CSMD1: variants seen among roughly 807,000 people sequenced by gnomAD.
The protein encoded by CSMD1 is CUB and sushi domain-containing protein 1.
Under a neutral mutation model 417.5 loss-of-function variants are expected in CSMD1, and 213 were observed. The ratio of observed to expected loss-of-function variants is 0.51; its 90% CI spans 0.46 to 0.57. CSMD1 has a LOEUF of 0.57. Ranked by LOEUF, CSMD1 falls within the 20% of genes least tolerant of loss-of-function variation. The pLI, the probability that CSMD1 is intolerant of heterozygous loss-of-function variation, is 0.00. For missense variants in CSMD1, 6,923 were observed against 4,529.7 expected (o/e 1.53, Z -15.17); for synonymous variants, 2,862 against 1,736.8 (o/e 1.65, Z -16.11).
At chr8:4,871,680 A>G (rs1278075684) in intron 1 of CSMD1, among the ~76,000 whole-genome samples, 2 of 152,182 alleles carry the variant, frequency 1.3e-5, no homozygotes, top group African/African-American at 4.8e-5. Context: ...AAAATTAAAT[A>G]TTAATGAATC....
Position 4,287,089 on chromosome 8 carries a change from C to T in CSMD1, c.415+132864G>A, listed in dbSNP as rs1240447294. Among the ~76,000 whole-genome samples the T allele has an allele frequency of 6.6e-5, 10 of 152,196 alleles. No individual in the cohort carries two copies. In the East Asian group the frequency reaches 1.9e-3, roughly 29 times the overall value. On this transcript the variant is annotated intron_variant, in intron 3 of 69. Coordinates refer to ENST00000635120, the MANE Select transcript of CSMD1 (RefSeq NM_033225.6). The stretch of plus-strand genomic sequence containing the variant: ...AACTTGAGAGAACAAAAAAGAGTTT[C>T]AATCTACTTCACACAAAACAAACAA...
At chr8:3,962,808 A>G (rs905723191) in intron 5 of CSMD1, among the ~76,000 whole-genome samples, 4 of 152,298 alleles carry the variant, frequency 2.6e-5, no homozygotes, top group South Asian at 4.1e-4. Context: ...ATTGAGGGCA[A>G]TAAGTTTCTT....
At chr8:4,510,636 C>A (rs905421116) in intron 2 of CSMD1, among the ~76,000 whole-genome samples, 1 of 146,026 alleles carries the variant, frequency 6.8e-6, no homozygotes, top group Admixed American at 6.8e-5. Flanking sequence ...TCCCTCTCCC[C>A]TTCCTTCCCT....
intron 5 of CSMD1, among the ~76,000 whole-genome samples, chr8:3,762,520 CCT>C (rs1798063114): frequency 1.3e-5 from 2 of 152,180 alleles, no homozygotes; most frequent in South Asian, 4.1e-4. Context: ...ATGTTTATAT[CCT>C]CTGTGACTCA....
chr8:4,062,734 C>CAA (rs531872636), intron 3 of CSMD1, among the ~76,000 whole-genome samples: 2 of 131,574 alleles, frequency 1.5e-5, no homozygotes, highest in African/African-American at 2.8e-5. Flanking sequence ...TTATCAAATT[C>CAA]AAAAAAAAAA....
At chr8:4,689,794 A>T (rs1806647667) in intron 1 of CSMD1, among the ~76,000 whole-genome samples, 1 of 152,304 alleles carries the variant, frequency 6.6e-6, no homozygotes, top group African/African-American at 2.4e-5. Context: ...CTAACTCCAT[A>T]TGGAATTTAT....
intron 3 of CSMD1, among the ~76,000 whole-genome samples, chr8:4,178,224 A>T (rs1478631356): frequency 1.3e-5 from 2 of 152,248 alleles, no homozygotes; most frequent in Admixed American, 6.5e-5. Flanking sequence ...TCAAAAAGCT[A>T]ATCCACTATC....
chr8:3,303,673 T>C (rs764015729), intron 25 of CSMD1, among the ~76,000 whole-genome samples: 1 of 152,214 alleles, frequency 6.6e-6, no homozygotes, highest in Non-Finnish European at 1.5e-5. Context: ...ATGTAAAACA[T>C]AGCCTTTAAT....
At chr8:4,649,518 C>G (rs1035965392) in intron 1 of CSMD1, among the ~76,000 whole-genome samples, 1 of 152,200 alleles carries the variant, frequency 6.6e-6, no homozygotes, top group East Asian at 1.9e-4. Context: ...AGGACTTCTA[C>G]CCCTGTGCTC....
chr8:4,504,348 G>T (rs1802411595), intron 2 of CSMD1, among the ~76,000 whole-genome samples: 1 of 152,136 alleles, frequency 6.6e-6, no homozygotes. Context: ...TGCTATTTAA[G>T]GGGTACATGG....
chr8:3,902,327 A>G (rs938206391), intron 5 of CSMD1, among the ~76,000 whole-genome samples: 1 of 152,114 alleles, frequency 6.6e-6, no homozygotes, highest in Non-Finnish European at 1.5e-5. Context: ...CCCAGTAAGG[A>G]GTTTTTTGTT....
At chr8:4,294,189 C>T (rs1158218055) in intron 3 of CSMD1, among the ~76,000 whole-genome samples, 1 of 152,254 alleles carries the variant, frequency 6.6e-6, no homozygotes, top group East Asian at 1.9e-4. Context: ...GCAACTACAC[C>T]CCAATTTCAG....
At chr8:4,110,365 T>G (rs1252615863) in intron 3 of CSMD1, among the ~76,000 whole-genome samples, 1 of 152,160 alleles carries the variant, frequency 6.6e-6, no homozygotes, top group Non-Finnish European at 1.5e-5. Context: ...TATGTATGTT[T>G]TTAATCTAAG....
At chr8:4,559,406 A>G (rs1178007679) in intron 2 of CSMD1, among the ~76,000 whole-genome samples, 2 of 152,216 alleles carry the variant, frequency 1.3e-5, no homozygotes, top group Non-Finnish European at 2.9e-5. Flanking sequence ...CACCAAATAC[A>G]CTGAACCATG....
chr8:4,326,315 T>C (rs1799560854), intron 3 of CSMD1, among the ~76,000 whole-genome samples: 1 of 152,136 alleles, frequency 6.6e-6, no homozygotes, highest in African/African-American at 2.4e-5. Context: ...GATAAGTCCT[T>C]TGAAAATACA....
At chr8:4,485,646 T>C (rs1470087528) in intron 2 of CSMD1, among the ~76,000 whole-genome samples, 2 of 152,140 alleles carry the variant, frequency 1.3e-5, no homozygotes, top group Non-Finnish European at 2.9e-5. Flanking sequence ...TTGTATGCTA[T>C]CGCAGAGCCC....
intron 2 of CSMD1, among the ~76,000 whole-genome samples, chr8:4,597,594 G>A (rs989632955): frequency 6.6e-6 from 1 of 151,916 alleles, no homozygotes; most frequent in Non-Finnish European, 1.5e-5. Flanking sequence ...ATAAAACACA[G>A]AAATGAAAAT....
At chr8:4,637,218 G>T in intron 2 of CSMD1, 124 bp downstream of exon 2, 2 of 745,492 alleles carry the variant, frequency 2.7e-6, no homozygotes, top group South Asian at 1.8e-5. Flanking sequence ...AAGTCAGCGA[G>T]GCCACGAACC....
intron 3 of CSMD1, among the ~76,000 whole-genome samples, chr8:4,075,490 G>C (rs901740123): frequency 2.0e-5 from 3 of 152,006 alleles, no homozygotes; most frequent in African/African-American, 7.2e-5. Flanking sequence ...AAAATAAAGT[G>C]GCAAATGAAT....
Sources: gnomAD v4.1 joint callset for allele counts (sites outside exome capture counted in the v4.1 genomes callset) on GRCh38, gnomAD v4.1.1 for gene constraint, MANE v1.5 for transcripts, NCBI Gene and HGNC (gene_info 2026-07-23, HGNC 2026-07-21) for gene names.